The following AP3B1 variants were observed in gnomAD, a reference collection of about 807,000 sequenced individuals.
The protein encoded by AP3B1 is AP-3 complex subunit beta-1.
In AP3B1, 61 loss-of-function variants were observed where a neutral mutation model predicts 132.5. That is an observed-to-expected ratio of 0.46 (90% confidence interval 0.37 to 0.57). The LOEUF (loss-of-function observed/expected upper bound fraction) is 0.57. AP3B1 is among the 20% of genes least tolerant of loss of function. The probability of loss-of-function intolerance (pLI) is 0.00; values close to 1 mark genes in which losing one functional copy is unlikely to be tolerated. For missense variants in AP3B1, 1,120 were observed against 1,289.4 expected, an observed-to-expected ratio of 0.87 and a Z score of 2.01; for synonymous variants, 388 against 438.3, an observed-to-expected ratio of 0.89 and a Z score of 1.43.
intron 14 of AP3B1, among the ~76,000 whole-genome samples, chr5:78,151,372 T>C (rs1002955748): frequency 6.6e-6 from 1 of 152,220 alleles, no homozygotes; most frequent in Non-Finnish European, 1.5e-5. Context: ...TTCTCTTGTC[T>C]GAACGCTTGA....
At chr5:78,227,236 A>G in intron 5 of AP3B1, 136 bp downstream of exon 5, 1 of 845,074 alleles carries the variant, frequency 1.2e-6, no homozygotes, top group Non-Finnish European at 1.9e-6. Flanking sequence ...GCAGGGGGAA[A>G]TACCATCATA....
chr5:78,116,221 G>T lies in AP3B1; in HGVS notation c.1982C>A (p.Thr661Asn). 3 of 1,613,278 alleles carry T rather than the reference G, an allele frequency of 1.9e-6. No individual in the cohort carries two copies. Among genetic ancestry groups the T allele is most frequent in the Non-Finnish European group, 2.5e-6 (3 of 1,179,462 alleles). The change falls in exon 18 of 27, where the codon ACC becomes AAC. Residue 661 changes from threonine (T) to asparagine (N), a missense_variant. Around this residue, in one of 3 missense-constraint regions of AP3B1, gnomAD observed 906 missense variants for 997.1 expected, o/e 0.91. Transcript: ENST00000255194. The stretch of plus-strand genomic sequence containing the variant: ...CTCTTGCTTTGCTTTTCCTGCTGGG[G>T]TCCATTCTTTTGCCTGTTTAAACAA... ...VEVIELAKEWTPAGKAKQENS... is the reference protein window; with the variant it reads ...VEVIELAKEWNPAGKAKQENS...
chr5:78,053,820 A>G (rs1748694105), intron 22 of AP3B1, among the ~76,000 whole-genome samples: 1 of 152,070 alleles, frequency 6.6e-6, no homozygotes, highest in Admixed American at 6.6e-5. Context: ...CCCCGTCATT[A>G]GGTTCGTTTT....
chr5:78,150,070 C>T (rs1362020593), intron 14 of AP3B1, among the ~76,000 whole-genome samples: 3 of 152,066 alleles, frequency 2.0e-5, no homozygotes, highest in Non-Finnish European at 4.4e-5. Context: ...ATCCATTACC[C>T]TTGACTACAC....
At chr5:78,062,606 C>T (rs1173821882) in intron 22 of AP3B1, among the ~76,000 whole-genome samples, 1 of 152,156 alleles carries the variant, frequency 6.6e-6, no homozygotes, top group Non-Finnish European at 1.5e-5. Flanking sequence ...CATAAGCTTA[C>T]TGTGTTAGAA....
chr5:78,294,671 G>A lies in AP3B1; in HGVS notation c.-92C>T, dbSNP rs1283482964. Reference sequence around the variant, plus strand: ...AGGGCACGGAACAAAACTAGTTCTCGTACGGAGGAGCGCGCGCAGGCGCTT... The same window carrying A: ...AGGGCACGGAACAAAACTAGTTCTCATACGGAGGAGCGCGCGCAGGCGCTT... On this transcript the variant is annotated 5_prime_UTR_variant, in exon 1 of 27. In the 5' UTR this introduces an upstream ATG that the reference lacks. Transcript: ENST00000255194. 8.2e-6 allele frequency: 13 copies of A among 1,591,322 alleles called. No homozygotes were observed. The highest frequency in any genetic ancestry group is 2.2e-5 in the South Asian group (2 of 90,486).
intron 15 of AP3B1, among the ~76,000 whole-genome samples, chr5:78,134,444 A>G (rs1752820841): frequency 6.6e-6 from 1 of 152,214 alleles, no homozygotes; most frequent in Non-Finnish European, 1.5e-5. Context: ...ATACAAACAA[A>G]TATGTTTGGT....
At chr5:78,036,490 C>T (rs1448906951) in intron 23 of AP3B1, among the ~76,000 whole-genome samples, 2 of 152,042 alleles carry the variant, frequency 1.3e-5, no homozygotes, top group Admixed American at 6.6e-5. Flanking sequence ...AACAGTTGTA[C>T]AGTAACTGGT....
intron 19 of AP3B1, among the ~76,000 whole-genome samples, chr5:78,110,883 C>G (rs1044550787): frequency 6.6e-6 from 1 of 151,870 alleles, no homozygotes; most frequent in Non-Finnish European, 1.5e-5. Flanking sequence ...TTCAGCCTCC[C>G]AAGTAGTTGG....
At chr5:78,218,601 G>GTAATGAAAGCA (rs958000243) in intron 6 of AP3B1, among the ~76,000 whole-genome samples, 7 of 152,024 alleles carry the variant, frequency 4.6e-5, no homozygotes, top group Admixed American at 2.6e-4. Flanking sequence ...ATCTATGCTA[G>GTAATGAAAGCA]TTGACAAGCT....
chr5:78,221,720 G>A (rs1419718573), intron 6 of AP3B1, among the ~76,000 whole-genome samples: 1 of 151,220 alleles, frequency 6.6e-6, no homozygotes, highest in African/African-American at 2.4e-5. Flanking sequence ...GCATAAAATA[G>A]GAATCCCTGA....
intron 15 of AP3B1, among the ~76,000 whole-genome samples, chr5:78,137,802 G>T (rs1241009248): frequency 1.3e-5 from 2 of 152,022 alleles, no homozygotes; most frequent in African/African-American, 2.4e-5. Context: ...GGCAGATAAA[G>T]AAATTTACTA....
chr5:78,057,320 T>C (rs1748856735), intron 22 of AP3B1, among the ~76,000 whole-genome samples: 1 of 152,192 alleles, frequency 6.6e-6, no homozygotes, highest in Non-Finnish European at 1.5e-5. Context: ...GAGACAGCAG[T>C]GGACCCTTAG....
chr5:78,269,998 C>T (rs751875468), intron 1 of AP3B1, among the ~76,000 whole-genome samples: 3 of 152,026 alleles, frequency 2.0e-5, no homozygotes, highest in Non-Finnish European at 4.4e-5. Flanking sequence ...ACGCAACCTC[C>T]GCCTCCTGGA....
rs551799202 is a variant in AP3B1 at position 78,113,829 on chromosome 5, C to T, written c.2172G>A (p.Gln724=). ...CTGACTCCCGTCCACTCTCACTGTC[C>T]TGCTCACTGGAGGAGTCCTCACTGC... ...EDSSEDSSSE[Q]DSESGRESGL... The change falls in exon 19 of 27, where the codon CAG becomes CAA. Residue 724 remains glutamine, a synonymous_variant. Coordinates refer to ENST00000255194, the MANE Select transcript of AP3B1 (RefSeq NM_003664.5). The T allele has an allele frequency of 1.1e-5, 17 of 1,614,200 alleles. No individual in the cohort carries two copies. The East Asian group carries it at 3.1e-4, about 30-fold the overall frequency.
At chr5:78,068,325 A>C (rs1749380217) in intron 22 of AP3B1, among the ~76,000 whole-genome samples, 1 of 151,692 alleles carries the variant, frequency 6.6e-6, no homozygotes, top group Admixed American at 6.6e-5. Flanking sequence ...TTCCATCTAA[A>C]AGAAGAAGAA....
At chr5:78,218,040 T>C (rs924629696) in intron 6 of AP3B1, among the ~76,000 whole-genome samples, 5 of 151,882 alleles carry the variant, frequency 3.3e-5, no homozygotes, top group African/African-American at 1.2e-4. Context: ...CTAACAAATA[T>C]CATTAATTAA....
chr5:78,292,819 G>C (rs1749586725), intron 1 of AP3B1, among the ~76,000 whole-genome samples: 1 of 143,198 alleles, frequency 7.0e-6, no homozygotes, highest in African/African-American at 2.6e-5. Flanking sequence ...CAGAGTCAAA[G>C]CCGTAAGTTT....
intron 15 of AP3B1, among the ~76,000 whole-genome samples, chr5:78,131,707 A>G (rs1580387829): frequency 6.6e-6 from 1 of 152,270 alleles, no homozygotes; most frequent in Non-Finnish European, 1.5e-5. Flanking sequence ...TAGGTGAGAT[A>G]GTGCAAATGA....
Sources: allele counts gnomAD v4.1 joint callset (sites outside exome capture counted in the v4.1 genomes callset), GRCh38; gene constraint gnomAD v4.1.1; regional missense constraint gnomAD v4.1.1; transcripts MANE v1.5; gene names NCBI Gene and HGNC (gene_info 2026-07-23, HGNC 2026-07-21).